ALDH9A1: variants seen among roughly 807,000 people sequenced by gnomAD.
ALDH9A1 encodes aldehyde dehydrogenase 9 family member A1, also known as 4-trimethylaminobutyraldehyde dehydrogenase.
A neutral mutation model predicts 56.6 loss-of-function variants in ALDH9A1; 42 were observed. The ratio of observed to expected loss-of-function variants is 0.74; its 90% CI spans 0.58 to 0.96. The LOEUF (loss-of-function observed/expected upper bound fraction) is 0.96, where lower values mean the gene tolerates loss of function less well. Ranked by LOEUF, ALDH9A1 falls within the 40% of genes least tolerant of loss-of-function variation. The pLI, the probability that ALDH9A1 is intolerant of heterozygous loss-of-function variation, is 0.00. For synonymous variants in ALDH9A1, 242 were observed against 236.0 expected (o/e 1.03, Z -0.23); for missense variants, 661 against 651.5 (o/e 1.01, Z -0.16).
intron 2 of ALDH9A1, among the ~76,000 whole-genome samples, chr1:165,687,279 T>C (rs1181424497): frequency 6.9e-6 from 1 of 145,368 alleles, no homozygotes; most frequent in Non-Finnish European, 1.5e-5. Context: ...GAAGGAGAAG[T>C]GATGGAAGAG....
chr1:165,690,668 G>A (rs371008004), intron 2 of ALDH9A1, among the ~76,000 whole-genome samples: 2 of 152,148 alleles, frequency 1.3e-5, no homozygotes, highest in Admixed American at 6.5e-5. Flanking sequence ...CTAATACTGC[G>A]CTTTTCCAAC....
rs1415198980 is a variant in ALDH9A1, at chr1:165,698,519, G to C, written c.40C>G (p.Leu14Val). The change falls in exon 1 of 11, where the codon CTT becomes GTT. Residue 14 changes from leucine (L) to valine (V), a missense_variant. Leu to Val is a conservative substitution (Grantham distance 32). Coordinates refer to ENST00000354775, the MANE Select transcript of ALDH9A1 (RefSeq NM_000696.4). Reference sequence around the variant, plus strand: ...ACAGGAGAGGGCCGAAGACTGCGAAGAAGCGGGGAGAGCGCGGCCAGGCCT... The same window carrying C: ...ACAGGAGAGGGCCGAAGACTGCGAACAAGCGGGGAGAGCGCGGCCAGGCCT... ...RAGLAALSPL[L>V]RSLRPSPVAA... 4 of 1,610,546 alleles carry C rather than the reference G, an allele frequency of 2.5e-6. No homozygotes were observed. Among genetic ancestry groups the C allele is most frequent in the Non-Finnish European group, 3.4e-6 (4 of 1,178,860 alleles).
At chr1:165,698,233 T>A in intron 1 of ALDH9A1, 145 bp downstream of exon 1, 2 of 1,381,994 alleles carry the variant, frequency 1.4e-6, no homozygotes, top group Non-Finnish European at 1.9e-6. Context: ...GAATCGCTAG[T>A]TGCCTACACA....
chr1:165,698,383 G>A lies in ALDH9A1; in HGVS notation c.176C>T (p.Ala59Val), dbSNP rs772873016. The change falls in exon 1 of 11, where the codon GCA becomes GTA. Residue 59 changes from alanine to valine, a missense_variant. Ala to Val is a moderately conservative substitution (Grantham distance 64, BLOSUM62 0). Coordinates refer to ENST00000354775, the MANE Select transcript of ALDH9A1 (RefSeq NM_000696.4). Reference protein sequence around the residue: ...ASGTEKAFEPATGRVIATFTC... With the variant: ...ASGTEKAFEPVTGRVIATFTC... ...CCCCGGCTCGTTGCAGTTACCGGTTGCTGGCTCGAAAGCTTTCTCGGTACC... is the reference window on the plus strand; with the variant it reads ...CCCCGGCTCGTTGCAGTTACCGGTTACTGGCTCGAAAGCTTTCTCGGTACC... The A allele has an allele frequency of 6.3e-7, 1 of 1,591,446 alleles. No individual in the cohort carries two copies. Among genetic ancestry groups the A allele is most frequent in the Non-Finnish European group, 8.5e-7 (1 of 1,170,788 alleles).
Position 165,695,392 on chromosome 1 carries a change from C to T in ALDH9A1, c.187G>A (p.Val63Met), listed in dbSNP as rs1375162998. Residue 63 changes from valine to methionine, a missense_variant, in exon 2 of 11, where the codon GTG (valine) becomes ATG (methionine). By Grantham distance (21) the Val-to-Met change is conservative (BLOSUM62 1). Coordinates refer to ENST00000354775, the MANE Select transcript of ALDH9A1 (RefSeq NM_000696.4). Reference protein sequence around the residue: ...EKAFEPATGRVIATFTCSGEK... With the variant: ...EKAFEPATGRMIATFTCSGEK... ...CCTGAACATGTGAAAGTAGCTATCACTCGGCCTATAAAGAGCGGAAACATC... is the reference window on the plus strand; with the variant it reads ...CCTGAACATGTGAAAGTAGCTATCATTCGGCCTATAAAGAGCGGAAACATC... 1.2e-6 allele frequency: 2 copies of T among 1,608,416 alleles called. No individual in the cohort carries two copies. Among genetic ancestry groups the T allele is most frequent in the African/African-American group, 2.7e-5 (2 of 74,470 alleles).
Position 165,698,446 on chromosome 1 carries a change from T to C in ALDH9A1, c.113A>G (p.Tyr38Cys), listed in dbSNP as rs1571190401. 1.2e-6 allele frequency: 2 copies of C among 1,606,494 alleles called. No individual in the cohort carries two copies. The highest frequency in any genetic ancestry group is 1.7e-6 in the Non-Finnish European group (2 of 1,177,040). ...CGGCTCCACGCGGGCCCCGCCGCGG[T>C]AATTGAGCGGCTGCGACACGACGAA... ...GTFVVSQPLN[Y>C]RGGARVEPAD... Residue 38 changes from tyrosine to cysteine, a missense_variant, in exon 1 of 11, where the codon TAC becomes TGC. Physicochemically the swap from Tyr to Cys is radical, Grantham distance 194 (BLOSUM62 -2). Coordinates refer to ENST00000354775, the MANE Select transcript of ALDH9A1 (RefSeq NM_000696.4).
rs114204047 is a variant in ALDH9A1, at chr1:165,698,344, G to A, written c.181+34C>T. ...CGGGAAATCCGCGCATCCGGCCCCA[G>A]GGCGCCCCAGCCTCCCCGGCTCGTT... On this transcript the variant is annotated intron_variant, in intron 1 of 10. Transcript: ENST00000354775. The A allele has an allele frequency of 4.0e-3, 6,201 of 1,568,698 alleles. 230 individuals are homozygous for A. In the African/African-American group the frequency reaches 0.078, roughly 20 times the overall value.
At chr1:165,693,640 T>A (rs562434145) in intron 2 of ALDH9A1, among the ~76,000 whole-genome samples, 16 of 152,320 alleles carry the variant, frequency 1.1e-4, no homozygotes, top group African/African-American at 3.8e-4. Context: ...GTTCAACCAT[T>A]GTGGAAGACA....
chr1:165,667,259 A>T (rs1388934200), intron 9 of ALDH9A1, 50 bp downstream of exon 9: 1 of 1,606,412 alleles, frequency 6.2e-7, no homozygotes, highest in Admixed American at 1.7e-5. Flanking sequence ...CTAAGCAGAT[A>T]CTGCAGCCCC....
intron 6 of ALDH9A1, among the ~76,000 whole-genome samples, chr1:165,677,615 T>C (rs1220598376): frequency 6.6e-6 from 1 of 152,072 alleles, no homozygotes; most frequent in Non-Finnish European, 1.5e-5. Flanking sequence ...TCCCAGCACT[T>C]TGGGAGGCCA....
At chr1:165,679,419 C>T (rs774646780) in intron 6 of ALDH9A1, 23 bp downstream of exon 6, 5 of 1,612,698 alleles carry the variant, frequency 3.1e-6, no homozygotes, top group Non-Finnish European at 4.2e-6. Context: ...CCTTTTACAC[C>T]TCTTCCAGGG....
intron 2 of ALDH9A1, among the ~76,000 whole-genome samples, chr1:165,687,721 C>A (rs1470651247): frequency 1.3e-5 from 2 of 152,170 alleles, no homozygotes; most frequent in Non-Finnish European, 2.9e-5. Context: ...GGTGCAGTGG[C>A]TCACACCTGT....
intron 2 of ALDH9A1, among the ~76,000 whole-genome samples, chr1:165,691,235 C>A (rs1207041481): frequency 6.6e-6 from 1 of 152,170 alleles, no homozygotes; most frequent in East Asian, 1.9e-4. Flanking sequence ...GCTGGTGATA[C>A]CCAGGCAAAC....
At chr1:165,692,187 C>T (rs957818426) in intron 2 of ALDH9A1, among the ~76,000 whole-genome samples, 5 of 152,202 alleles carry the variant, frequency 3.3e-5, no homozygotes, top group Admixed American at 1.3e-4. Context: ...CTCACCACTC[C>T]TATTCAACAT....
At chr1:165,689,687 A>G (rs2101754562) in intron 2 of ALDH9A1, among the ~76,000 whole-genome samples, 1 of 152,266 alleles carries the variant, frequency 6.6e-6, no homozygotes, top group African/African-American at 2.4e-5. Flanking sequence ...TAATCCCAGC[A>G]CTTTGGAAGG....
intron 6 of ALDH9A1, among the ~76,000 whole-genome samples, chr1:165,674,851 T>C (rs1649297982): frequency 6.6e-6 from 1 of 152,060 alleles, no homozygotes; most frequent in East Asian, 1.9e-4. Context: ...AATAACCCCA[T>C]TGCCAGATGA....
At chr1:165,693,521 T>A (rs1294342012) in intron 2 of ALDH9A1, among the ~76,000 whole-genome samples, 1 of 152,152 alleles carries the variant, frequency 6.6e-6, no homozygotes. Context: ...TGAGATACCA[T>A]CTCACACCAG....
At chr1:165,690,569 C>T (rs145785757) in intron 2 of ALDH9A1, among the ~76,000 whole-genome samples, 1 of 152,252 alleles carries the variant, frequency 6.6e-6, no homozygotes, top group African/African-American at 2.4e-5. Flanking sequence ...GACTGGTTCA[C>T]CTGGGAAGCA....
At chr1:165,663,230 T>C in intron 10 of ALDH9A1, 86 bp from the exon 11 acceptor site, 1 of 1,098,542 alleles carries the variant, frequency 9.1e-7, no homozygotes, top group Non-Finnish European at 1.4e-6. Context: ...GCACTGCTAA[T>C]CAGGGCTAGG....
Sources: allele counts gnomAD v4.1 joint callset (sites outside exome capture counted in the v4.1 genomes callset), GRCh38; gene constraint gnomAD v4.1.1; transcripts MANE v1.5; gene names NCBI Gene and HGNC (gene_info 2026-07-23, HGNC 2026-07-21).